DMD: variants seen among roughly 807,000 people sequenced by gnomAD.
DMD encodes the protein mutant dystrophin.
Under a neutral mutation model 330.1 loss-of-function variants are expected in DMD, and 63 were observed. The ratio of observed to expected loss-of-function variants is 0.19; its 90% CI spans 0.16 to 0.24. The LOEUF (loss-of-function observed/expected upper bound fraction) is 0.24, where lower values mean the gene tolerates loss of function less well. DMD is among the 10% of genes least tolerant of loss of function. The probability of loss-of-function intolerance (pLI) is 1.00; values close to 1 mark genes in which losing one functional copy is unlikely to be tolerated. For missense variants in DMD, 3,344 were observed against 2,684.1 expected, an observed-to-expected ratio of 1.25 and a Z score of -5.43; for synonymous variants, 1,223 against 959.8, an observed-to-expected ratio of 1.27 and a Z score of -5.07.
At chrX:32,075,609 T>C (rs1355763420) in intron 44 of DMD, among the ~76,000 whole-genome samples, 1 of 111,713 alleles carries the variant, frequency 9.0e-6, no homozygotes, top group Non-Finnish European at 1.9e-5. Flanking sequence ...TTCTCAATTC[T>C]GTACCCATAA....
chrX:32,466,914 G>T (rs1426516350), intron 23 of DMD, among the ~76,000 whole-genome samples: 1 of 111,237 alleles, frequency 9.0e-6, no homozygotes, highest in East Asian at 2.8e-4. Flanking sequence ...AATTTGTGTT[G>T]CTTGAAGTTA....
intron 1 of DMD, among the ~76,000 whole-genome samples, chrX:33,135,267 T>A (rs1260654560): frequency 8.9e-6 from 1 of 112,103 alleles, no homozygotes; most frequent in Non-Finnish European, 1.9e-5. Context: ...TTCCTAGCAC[T>A]GTTCCTGGAA....
intron 4 of DMD, among the ~76,000 whole-genome samples, chrX:32,824,638 C>A (rs1260055251): frequency 9.0e-6 from 1 of 111,351 alleles, no homozygotes; most frequent in Non-Finnish European, 1.9e-5. Flanking sequence ...TATAAAAGGG[C>A]AATATGAGGG....
Position 32,501,682 on chromosome X carries a change from T to A in DMD, c.2380+73A>T, listed in dbSNP as rs1056931534. ...TTAACAAGTGCTTGTCTGATATAAT[T>A]CAGCTGATAAATATGAACCTATGTG... is the stretch of plus-strand genomic sequence containing the variant. On this transcript the variant is annotated intron_variant, in intron 19 of 78. Transcript: ENST00000357033. 6 of 759,436 alleles carry A rather than the reference T, an allele frequency of 7.9e-6. No individual in the cohort carries two copies. The Admixed American group carries it at 1.2e-4, about 16-fold the overall frequency. 62.6% of individuals were successfully genotyped at this position (759,436 alleles called of 1,213,427 possible). A position where few individuals can be genotyped will look rare whatever the true frequency, so the allele number is the denominator to read the frequency against.
At chrX:32,340,705 T>G (rs2097737311) in intron 41 of DMD, among the ~76,000 whole-genome samples, 1 of 112,084 alleles carries the variant, frequency 8.9e-6, no homozygotes, top group Non-Finnish European at 1.9e-5. Flanking sequence ...ACTATTTTAT[T>G]AGAATTTTCT....
intron 17 of DMD, among the ~76,000 whole-genome samples, chrX:32,542,966 A>G (rs969882777): frequency 8.9e-6 from 1 of 111,872 alleles, no homozygotes; most frequent in Non-Finnish European, 1.9e-5. Context: ...TTAGTCATAT[A>G]TCTATGAAAA....
At chrX:31,391,261 C>T (rs977240192) in intron 60 of DMD, among the ~76,000 whole-genome samples, 2 of 109,786 alleles carry the variant, frequency 1.8e-5, no homozygotes, top group Non-Finnish European at 3.8e-5. Flanking sequence ...AGCAATTCTC[C>T]GGCCTCAGCC....
intron 45 of DMD, among the ~76,000 whole-genome samples, chrX:31,951,054 G>C (rs1438714005): frequency 1.0e-5 from 1 of 99,814 alleles, no homozygotes; most frequent in Admixed American, 1.1e-4. Context: ...TTTAGATTTT[G>C]TAATATTTGC....
chrX:32,068,378 T>G (rs1379726300), intron 44 of DMD, among the ~76,000 whole-genome samples: 1 of 65,066 alleles, frequency 1.5e-5, no homozygotes, highest in Non-Finnish European at 2.8e-5. Flanking sequence ...CTTGTCATTT[T>G]TTTTTTTTTT....
At chrX:32,406,373 G>T (rs1017168856) in intron 30 of DMD, among the ~76,000 whole-genome samples, 21 of 110,918 alleles carry the variant, frequency 1.9e-4, no homozygotes, top group African/African-American at 6.9e-4. Flanking sequence ...CATTCAGTAT[G>T]ATATTGGCTG....
intron 63 of DMD, among the ~76,000 whole-genome samples, chrX:31,246,207 CAGAGCAAAACCTT>C (rs1398654291): frequency 8.9e-6 from 1 of 112,291 alleles, no homozygotes; most frequent in African/African-American, 3.2e-5. Context: ...AAGCCTAATC[CAGAGCAAAACCTT>C]AACTCCCTTC....
At chrX:32,064,340 T>G (rs16990071) in intron 44 of DMD, among the ~76,000 whole-genome samples, 3,600 of 111,195 alleles carry the variant, frequency 0.032, 65 homozygotes, top group Non-Finnish European at 0.051. Flanking sequence ...TCCACTTGAC[T>G]ACTTGTCATT....
At chrX:31,583,440 A>G (rs5971580) in intron 55 of DMD, among the ~76,000 whole-genome samples, 5,075 of 110,629 alleles carry the variant, frequency 0.046, 189 homozygotes, top group East Asian at 0.16. Flanking sequence ...GGTGTTAGAG[A>G]ACTAAAGGAG....
chrX:33,096,026 G>A (rs993410659), intron 1 of DMD, among the ~76,000 whole-genome samples: 1 of 88,092 alleles, frequency 1.1e-5, no homozygotes, highest in African/African-American at 4.4e-5. Flanking sequence ...CCAGGCTGGA[G>A]TGCAGTGGTG....
intron 2 of DMD, among the ~76,000 whole-genome samples, chrX:32,964,387 T>C (rs1308671225): frequency 9.0e-6 from 1 of 110,843 alleles, no homozygotes; most frequent in East Asian, 2.8e-4. Flanking sequence ...TCAATTATAC[T>C]ATGAGGCAAC....
At chrX:31,157,846 C>T (rs1184731753) in intron 74 of DMD, among the ~76,000 whole-genome samples, 2 of 107,181 alleles carry the variant, frequency 1.9e-5, no homozygotes, top group African/African-American at 6.8e-5. Context: ...CTCTGTCACC[C>T]AGGCTGGAGT....
At chrX:32,866,418 A>G (rs1189323732) in intron 2 of DMD, among the ~76,000 whole-genome samples, 1 of 112,073 alleles carries the variant, frequency 8.9e-6, no homozygotes, top group African/African-American at 3.2e-5. Flanking sequence ...TCTACACAGA[A>G]GATGTCTGAA....
chrX:32,936,362 C>A (rs191811241), intron 2 of DMD, among the ~76,000 whole-genome samples: 1 of 111,859 alleles, frequency 8.9e-6, no homozygotes, highest in Admixed American at 9.5e-5. Context: ...CTGCCTGCCT[C>A]GGCCTCCCAA....
chrX:31,889,582 A>T (rs2094204398), intron 47 of DMD, among the ~76,000 whole-genome samples: 1 of 108,484 alleles, frequency 9.2e-6, no homozygotes, highest in South Asian at 4.1e-4. Context: ...AGGACAATAA[A>T]ATTTAAAGAA....
Sources: gnomAD v4.1 joint callset for allele counts (sites outside exome capture counted in the v4.1 genomes callset) on GRCh38, gnomAD v4.1.1 for gene constraint, MANE v1.5 for transcripts, NCBI Gene and HGNC (gene_info 2026-07-23, HGNC 2026-07-21) for gene names.